The following TPD52L2 variants were observed in gnomAD, a reference collection of about 807,000 sequenced individuals.
TPD52L2 encodes the protein tumor protein D54.
In TPD52L2, 19 loss-of-function variants were observed where a neutral mutation model predicts 24.7. The observed-to-expected ratio is 0.77, with a 90% CI of 0.54 to 1.13. The LOEUF is 1.13. Ranked by LOEUF, TPD52L2 falls within the 50% of genes most tolerant of loss-of-function variation. The pLI is 0.00. For synonymous variants in TPD52L2, 104 were observed against 100.2 expected (o/e 1.04, Z -0.23); for missense variants, 236 against 250.4 (o/e 0.94, Z 0.39).
chr20:63,869,065 G>A (rs1306762539), intron 1 of TPD52L2, among the ~76,000 whole-genome samples: 1 of 152,196 alleles, frequency 6.6e-6, no homozygotes, highest in Non-Finnish European at 1.5e-5. Context: ...GCCGGCATTT[G>A]TCGTGCCCTG....
intron 5 of TPD52L2, chr20:63,885,891 C>T (rs1402942251): frequency 5.1e-6 from 5 of 972,438 alleles, no homozygotes; most frequent in Non-Finnish European, 8.3e-6. Context: ...GGGTCTTCCC[C>T]TGCTGGGCCT....
intron 3 of TPD52L2, among the ~76,000 whole-genome samples, chr20:63,874,320 T>C (rs2052585029): frequency 2.0e-5 from 3 of 151,086 alleles, no homozygotes. Context: ...GACCTTGTGA[T>C]CCACCCACCT....
intron 5 of TPD52L2, among the ~76,000 whole-genome samples, chr20:63,886,569 T>A (rs2146243680): frequency 6.6e-6 from 1 of 151,744 alleles, no homozygotes; most frequent in East Asian, 1.9e-4. Flanking sequence ...CACCGTGGTC[T>A]CGATCTCCCG....
intron 3 of TPD52L2, among the ~76,000 whole-genome samples, chr20:63,874,081 T>C (rs928355532): frequency 6.6e-6 from 1 of 152,132 alleles, no homozygotes; most frequent in Non-Finnish European, 1.5e-5. Context: ...AGACAGAGTC[T>C]CACTCTGTCG....
At chr20:63,868,001 T>C (rs2052322954) in intron 1 of TPD52L2, among the ~76,000 whole-genome samples, 1 of 151,582 alleles carries the variant, frequency 6.6e-6, no homozygotes, top group South Asian at 2.1e-4. Flanking sequence ...ACGCCTGTAA[T>C]CTCCCGGGTT....
chr20:63,887,348 A>G (rs886443368), intron 5 of TPD52L2: 6 of 679,758 alleles, frequency 8.8e-6, no homozygotes, highest in African/African-American at 8.8e-5. Context: ...TCCCAGTGCT[A>G]TGCGCTGGGC....
chr20:63,873,733 C>T lies in TPD52L2; in HGVS notation c.231C>T (p.Leu77=). Reference sequence around the variant, plus strand: ...CCAAGGAGAGGCACTGTGGAGAGCTCAAGAGGAGGCTGGGCCTCTCCACCC... The same window carrying T: ...CCAAGGAGAGGCACTGTGGAGAGCTTAAGAGGAGGCTGGGCCTCTCCACCC... The part of the protein sequence containing the change: ...LAAKERHCGE[L]KRRLGLSTLG... The change falls in exon 3 of 7, where the codon CTC becomes CTT. Residue 77 remains leucine (L), a synonymous_variant. Transcript: ENST00000346249. The T allele has an allele frequency of 1.2e-6, 2 of 1,610,004 alleles. No homozygotes were observed. The highest frequency in any genetic ancestry group is 1.7e-6 in the Non-Finnish European group (2 of 1,178,604).
intron 1 of TPD52L2, among the ~76,000 whole-genome samples, chr20:63,866,554 G>T (rs529492949): frequency 6.6e-6 from 1 of 151,850 alleles, no homozygotes; most frequent in Non-Finnish European, 1.5e-5. Context: ...TCCGCCTCCC[G>T]GGTTCACTGC....
rs202070735 is a variant in TPD52L2, at chr20:63,889,877, G to A, written c.553G>A (p.Gly185Ser). ...KSKVVGDREN[G>S]SDNLPSSAGS... is the part of the protein sequence containing the mutation. ...TAAGGTTGTGGGTGACAGAGAGAACGGCAGTGACAACCTCCCTTCCTCAGC... is the reference window on the plus strand; with the variant it reads ...TAAGGTTGTGGGTGACAGAGAGAACAGCAGTGACAACCTCCCTTCCTCAGC... Residue 185 changes from glycine to serine, a missense_variant, in exon 7 of 7, where the codon GGC (glycine) becomes AGC (serine). Gly to Ser is a moderately conservative substitution (Grantham distance 56). Transcript: ENST00000346249. 4.3e-6 allele frequency: 7 copies of A among 1,614,158 alleles called. No homozygotes were observed. The East Asian group carries it at 6.7e-5, about 15-fold the overall frequency.
chr20:63,879,358 C>T (rs2146216175), intron 4 of TPD52L2, among the ~76,000 whole-genome samples: 1 of 152,192 alleles, frequency 6.6e-6, no homozygotes, highest in Admixed American at 6.5e-5. Context: ...GTGTCAGTGG[C>T]CAGTGGTCAG....
Position 63,873,646 on chromosome 20 carries a change from A to G in TPD52L2, c.166-22A>G, listed in dbSNP as rs1278440403. The G allele has an allele frequency of 1.9e-6, 3 of 1,610,306 alleles. No individual in the cohort carries two copies. The South Asian group carries it at 3.3e-5, about 18-fold the overall frequency. Reference sequence around the variant, plus strand: ...CTTCCTGCAGTAGTGATGGCTCATCATGTCAACTGCATGCTTTGCAGGTGG... The same window carrying G: ...CTTCCTGCAGTAGTGATGGCTCATCGTGTCAACTGCATGCTTTGCAGGTGG... On this transcript the variant is annotated intron_variant, in intron 2 of 6. Coordinates refer to ENST00000346249, the MANE Select transcript of TPD52L2 (RefSeq NM_003288.4).
rs1457214731 is a variant in TPD52L2 at position 63,877,111 on chromosome 20, C to T, written c.374+1236C>T. ...CGCCATCTGGGCTCACTGCAAGCTC[C>T]GCCTCCCGGGTTCACACCATTCTCC... is the stretch of plus-strand genomic sequence containing the variant. On this transcript the variant is annotated intron_variant, in intron 4 of 6. Transcript: ENST00000346249. The surrounding 1 kb of genome is among the most constrained non-coding windows in gnomAD (Gnocchi z 4.1). 1.5e-5 allele frequency: 6 copies of T among 389,514 alleles called. No individual in the cohort carries two copies. Among genetic ancestry groups the T allele is most frequent in the East Asian group, 7.2e-5 (1 of 13,912 alleles). 24.1% of individuals were successfully genotyped at this position (389,514 alleles called of 1,614,324 possible).
intron 5 of TPD52L2, among the ~76,000 whole-genome samples, chr20:63,885,580 G>A (rs1042316075): frequency 2.0e-5 from 3 of 152,338 alleles, no homozygotes; most frequent in Non-Finnish European, 4.4e-5. Context: ...TGGGGAACAC[G>A]GGCCGCTCTC....
intron 5 of TPD52L2, among the ~76,000 whole-genome samples, chr20:63,884,670 C>T (rs188881577): frequency 3.9e-5 from 6 of 152,322 alleles, no homozygotes; most frequent in East Asian, 1.9e-4. Flanking sequence ...TGACCCGTGT[C>T]GTGTAGCCTC....
chr20:63,889,157 T>G (rs2053239476), intron 5 of TPD52L2, 33 bp from the exon 6 acceptor site: 1 of 1,608,802 alleles, frequency 6.2e-7, no homozygotes, highest in Non-Finnish European at 8.5e-7. Flanking sequence ...CCCTCTCCTC[T>G]TGACACCGAC....
chr20:63,869,267 A>G, intron 1 of TPD52L2, 29 bp from the exon 2 acceptor site: 3 of 1,612,772 alleles, frequency 1.9e-6, no homozygotes, highest in Non-Finnish European at 2.5e-6. Context: ...CTTATTTGAC[A>G]CTTTGTGGCC....
rs1327206575 is a variant in TPD52L2, at chr20:63,889,180, C to G, written c.477-10C>G. 1.9e-6 allele frequency: 3 copies of G among 1,613,158 alleles called. No individual in the cohort carries two copies. Among genetic ancestry groups the G allele is most frequent in the Non-Finnish European group, 2.5e-6 (3 of 1,179,530 alleles). On this transcript the variant is annotated splice_polypyrimidine_tract_variant and intron_variant, in intron 5 of 6. Coordinates refer to ENST00000346249, the MANE Select transcript of TPD52L2 (RefSeq NM_003288.4). The stretch of plus-strand genomic sequence containing the variant: ...TCTTGACACCGACACTCTTCCCTCT[C>G]TCTTTAAAGGAACTCTGCGACCTTC...
At chr20:63,866,112 C>G (rs7363337) in intron 1 of TPD52L2, among the ~76,000 whole-genome samples, 3 of 151,886 alleles carry the variant, frequency 2.0e-5, no homozygotes, top group Non-Finnish European at 4.4e-5. Context: ...TTCTTTCTTT[C>G]TTTATTTTTT....
At chr20:63,880,611 C>T (rs1308529017) in intron 4 of TPD52L2, among the ~76,000 whole-genome samples, 1 of 152,246 alleles carries the variant, frequency 6.6e-6, no homozygotes, top group African/African-American at 2.4e-5. Context: ...TATTTTTGGG[C>T]TGGGCACGGT....
Sources: allele counts gnomAD v4.1 joint callset (sites outside exome capture counted in the v4.1 genomes callset), GRCh38; gene constraint gnomAD v4.1.1; non-coding constraint Gnocchi (gnomAD v3.1); transcripts MANE v1.5; gene names NCBI Gene and HGNC (gene_info 2026-07-23, HGNC 2026-07-21).